The following SMURF1 variants were observed in gnomAD, a reference collection of about 807,000 sequenced individuals.
SMURF1 encodes SMAD specific E3 ubiquitin protein ligase 1, also known as E3 ubiquitin-protein ligase SMURF1.
A neutral mutation model predicts 98.0 loss-of-function variants in SMURF1; 44 were observed. The ratio of observed to expected loss-of-function variants is 0.45; its 90% CI spans 0.35 to 0.58. The LOEUF is 0.58. Among genes scored for constraint, SMURF1 ranks in the 20% least tolerant of loss-of-function variants. SMURF1 has a pLI of 0.00. For missense variants in SMURF1, 687 were observed against 938.4 expected, an observed-to-expected ratio of 0.73 and a Z score of 3.50; for synonymous variants, 396 against 374.9, an observed-to-expected ratio of 1.06 and a Z score of -0.65.
intron 1 of SMURF1, among the ~76,000 whole-genome samples, chr7:99,111,790 T>C (rs1453513333): frequency 6.6e-6 from 1 of 152,120 alleles, no homozygotes; most frequent in Admixed American, 6.5e-5. Context: ...GCAGAACATA[T>C]CTTATTCTCA....
chr7:99,063,123 G>A (rs907356255), intron 1 of SMURF1, among the ~76,000 whole-genome samples: 3 of 148,688 alleles, frequency 2.0e-5, no homozygotes, highest in South Asian at 2.1e-4. Context: ...ATATTGTTCT[G>A]CCAAGTTTCA....
At chr7:99,051,284 A>T in intron 8 of SMURF1, 73 bp downstream of exon 8, 1 of 1,167,278 alleles carries the variant, frequency 8.6e-7, no homozygotes, top group Non-Finnish European at 1.3e-6. Context: ...AGAGCAACAC[A>T]TCTGGAAGGT....
intron 1 of SMURF1, among the ~76,000 whole-genome samples, chr7:99,107,245 T>A (rs890608354): frequency 1.3e-5 from 2 of 152,184 alleles, no homozygotes; most frequent in Admixed American, 1.3e-4. Flanking sequence ...TGGAAAACTT[T>A]GTATATTTCA....
chr7:99,119,087 C>A (rs189852337), intron 1 of SMURF1, among the ~76,000 whole-genome samples: 35 of 129,386 alleles, frequency 2.7e-4, no homozygotes, highest in African/African-American at 9.8e-4. Context: ...GTCTTGAATT[C>A]CTGATCTCCA....
rs1353251862 is a variant in SMURF1 at position 99,035,561 on chromosome 7, C to A, written c.1965G>T (p.Val655=). ...EERRARLLQF[V]TGSTRVPLQG... ...GGAGCGGGACTCGCGTGGACCCAGT[C>A]ACAAACTGCAGGAGCCTGGCCCTCC... Residue 655 remains valine (V), a synonymous_variant, in exon 16 of 18, where the codon GTG becomes GTT. Transcript: ENST00000361368. The A allele has an allele frequency of 6.2e-7, 1 of 1,614,246 alleles. No homozygotes were observed. Among genetic ancestry groups the A allele is most frequent in the Admixed American group, 1.7e-5 (1 of 60,026 alleles).
intron 14 of SMURF1, 42 bp downstream of exon 14, chr7:99,038,346 C>T: frequency 2.5e-6 from 4 of 1,604,920 alleles, no homozygotes; most frequent in Non-Finnish European, 3.4e-6. Context: ...GCAGGCTCAG[C>T]CGCGCCCCAG....
rs1180862058 is a variant in SMURF1 at position 99,035,658 on chromosome 7, A to G, written c.1868T>C (p.Leu623Pro). 6.2e-7 allele frequency: 1 copy of G among 1,614,092 alleles called. No homozygotes were observed. The highest frequency in any genetic ancestry group is 8.5e-7 in the Non-Finnish European group (1 of 1,180,032). Residue 623 changes from leucine to proline, a missense_variant, in exon 16 of 18, where the codon CTG (leucine) becomes CCG (proline). Around this residue, in one of 2 missense-constraint regions of SMURF1, gnomAD observed 272 missense variants for 430.0 expected, o/e 0.63. Transcript: ENST00000361368. ...GTTGCTGTCGGCCACACAGTGCTTC[A>G]GCCGCGTGTTCGACTTCCAGTCGTT... ...DLNDWKSNTR[L>P]KHCVADSNIV... is the part of the protein sequence containing the mutation.
At chr7:99,086,071 C>A (rs1036420217) in intron 1 of SMURF1, among the ~76,000 whole-genome samples, 1 of 152,118 alleles carries the variant, frequency 6.6e-6, no homozygotes, top group Non-Finnish European at 1.5e-5. Flanking sequence ...CACGGCCAGG[C>A]GTGGTGGTTC....
intron 1 of SMURF1, among the ~76,000 whole-genome samples, chr7:99,099,626 G>T (rs1349446575): frequency 6.6e-6 from 1 of 152,076 alleles, no homozygotes; most frequent in Non-Finnish European, 1.5e-5. Flanking sequence ...GGGCCTATGG[G>T]CCTACTGGGA....
intron 1 of SMURF1, among the ~76,000 whole-genome samples, chr7:99,083,187 A>ACACTAAAAACCAC (rs1563021338): frequency 2.0e-5 from 3 of 152,176 alleles, no homozygotes; most frequent in African/African-American, 7.2e-5. Flanking sequence ...ACAGAATGGT[A>ACACTAAAAACCAC]CATTTAAAAT....
intron 1 of SMURF1, among the ~76,000 whole-genome samples, chr7:99,064,911 A>G (rs1223171496): frequency 6.6e-6 from 1 of 152,206 alleles, no homozygotes; most frequent in Non-Finnish European, 1.5e-5. Context: ...CTGTTTGTCT[A>G]GCATTTGCCT....
At chr7:99,056,933 G>GC (rs1795889272) in intron 5 of SMURF1, among the ~76,000 whole-genome samples, 1 of 147,932 alleles carries the variant, frequency 6.8e-6, no homozygotes, top group African/African-American at 2.5e-5. Context: ...AACCTGGGAG[G>GC]CGGAGGTTGA....
chr7:99,077,065 G>T lies in SMURF1; in HGVS notation c.56-15228C>A, dbSNP rs114869317. ...TTTTTGGTAAAATTGTGTGTATGTG[G>T]ATAAATGTGTATTTAAGAGTCTGGA... On this transcript the variant is annotated intron_variant, in intron 1 of 17. Coordinates refer to ENST00000361368, the MANE Select transcript of SMURF1 (RefSeq NM_181349.3). Among the ~76,000 whole-genome samples the T allele has an allele frequency of 7.9e-4, 120 of 151,764 alleles. No individual in the cohort carries two copies. The Middle Eastern group carries it at 0.014, about 18-fold the overall frequency.
chr7:99,100,108 TAAAA>T (rs10559622), intron 1 of SMURF1, among the ~76,000 whole-genome samples: 42 of 141,640 alleles, frequency 3.0e-4, no homozygotes, highest in Non-Finnish European at 3.8e-4. Context: ...TGGGAAAAGT[TAAAA>T]AAAAAAAAAA....
rs761181068 is a variant in SMURF1, at chr7:99,035,642, G to A, written c.1884C>T (p.Ala628=). 3.8e-5 allele frequency: 62 copies of A among 1,614,056 alleles called. No individual in the cohort carries two copies. Among genetic ancestry groups the A allele is most frequent in the Non-Finnish European group, 4.7e-5 (56 of 1,180,030 alleles). Residue 628 remains alanine, a synonymous_variant, in exon 16 of 18, where the codon GCC becomes GCT. Coordinates refer to ENST00000361368, the MANE Select transcript of SMURF1 (RefSeq NM_181349.3). ...KSNTRLKHCV[A]DSNIVRWFWQ... is the part of the protein sequence containing the mutation. ...AGAACCACCGCACGATGTTGCTGTC[G>A]GCCACACAGTGCTTCAGCCGCGTGT...
intron 1 of SMURF1, among the ~76,000 whole-genome samples, chr7:99,086,665 C>A (rs777859582): frequency 6.6e-6 from 1 of 152,200 alleles, no homozygotes; most frequent in African/African-American, 2.4e-5. Context: ...ACAACCCAAA[C>A]GTCCATCATC....
chr7:99,108,622 AAAAAAAAAAAAAAG>A (rs1797248717), intron 1 of SMURF1, among the ~76,000 whole-genome samples: 1 of 148,096 alleles, frequency 6.8e-6, no homozygotes, highest in African/African-American at 2.5e-5. Context: ...AAAAAAAAAA[AAAAAAAAAAAAAAG>A]AAAGAAAGAA....
In SMURF1 at chr7:99,143,870, C is replaced by A. The variant is rs995704479; in HGVS notation, c.-90G>T. On this transcript the variant is annotated 5_prime_UTR_variant, in exon 1 of 18. Transcript: ENST00000361368. Reference sequence around the variant, plus strand: ...CCCCGCCGCCGCCGCCTCAAGGTTACGGCTCCGGGCTGGGCGCCGGGGTCC... The same window carrying A: ...CCCCGCCGCCGCCGCCTCAAGGTTAAGGCTCCGGGCTGGGCGCCGGGGTCC... The A allele has an allele frequency of 2.0e-5, 25 of 1,224,266 alleles. No homozygotes were observed. In the African/African-American group the frequency reaches 2.9e-4, roughly 14 times the overall value. 75.8% of individuals were successfully genotyped at this position (1,224,266 alleles called of 1,614,324 possible). A position where few individuals can be genotyped will look rare whatever the true frequency, so the allele number is the denominator to read the frequency against.
chr7:99,096,449 C>A (rs1796957950), intron 1 of SMURF1, among the ~76,000 whole-genome samples: 1 of 152,074 alleles, frequency 6.6e-6, no homozygotes, highest in East Asian at 1.9e-4. Context: ...ATATAAAGAA[C>A]CAGCGAAATT....
Sources: gnomAD v4.1 joint callset for allele counts (sites outside exome capture counted in the v4.1 genomes callset) on GRCh38, gnomAD v4.1.1 for gene constraint, gnomAD v4.1.1 regional missense constraint, MANE v1.5 for transcripts, NCBI Gene and HGNC (gene_info 2026-07-23, HGNC 2026-07-21) for gene names.